Variants in TBC1D23 observed in about 807,000 individuals in gnomAD.
TBC1D23 encodes the protein TBC1 domain family member 23, also known as HCV non-structural protein 4A-transactivated protein 1.
A neutral mutation model predicts 91.4 loss-of-function variants in TBC1D23; 55 were observed. The observed-to-expected ratio is 0.60, with a 90% CI of 0.48 to 0.75. TBC1D23 has a LOEUF of 0.75. TBC1D23 is among the 30% of genes least tolerant of loss of function. The pLI is 0.00. For synonymous variants in TBC1D23, 289 were observed against 281.0 expected, an observed-to-expected ratio of 1.03 and a Z score of -0.28; for missense variants, 725 against 836.1, an observed-to-expected ratio of 0.87 and a Z score of 1.64.
intron 3 of TBC1D23, among the ~76,000 whole-genome samples, chr3:100,283,117 A>G (rs1282653745): frequency 6.6e-6 from 1 of 152,244 alleles, no homozygotes; most frequent in East Asian, 1.9e-4. Flanking sequence ...CCATGCCTAT[A>G]ATCCCAGCAC....
chr3:100,321,091 C>A, intron 18 of TBC1D23, 120 bp downstream of exon 18: 1 of 720,042 alleles, frequency 1.4e-6, no homozygotes, highest in Non-Finnish European at 2.2e-6. Context: ...GATAGCTGAA[C>A]CACTTTTAGT....
intron 1 of TBC1D23, among the ~76,000 whole-genome samples, chr3:100,275,174 A>G (rs1576160475): frequency 1.3e-5 from 2 of 151,700 alleles, no homozygotes; most frequent in African/African-American, 4.8e-5. Flanking sequence ...ATCTTTGTCA[A>G]CCTATGTTTT....
chr3:100,295,499 G>C (rs150067873), intron 7 of TBC1D23, 151 bp downstream of exon 7: 1 of 575,966 alleles, frequency 1.7e-6, no homozygotes, highest in East Asian at 3.1e-5. Flanking sequence ...TCCAGGTACA[G>C]ACCTTAAAGA....
intron 1 of TBC1D23, among the ~76,000 whole-genome samples, chr3:100,265,109 A>G (rs1459257407): frequency 1.3e-5 from 2 of 152,246 alleles, no homozygotes; most frequent in Non-Finnish European, 2.9e-5. Flanking sequence ...GTGTAATTAC[A>G]TGACTTATCA....
chr3:100,287,960 G>T (rs2067758754), intron 4 of TBC1D23, among the ~76,000 whole-genome samples: 1 of 151,930 alleles, frequency 6.6e-6, no homozygotes, highest in African/African-American at 2.4e-5. Context: ...AAACTGTGAG[G>T]CCAGGTGCAG....
At chr3:100,306,181 A>G (rs551449459) in intron 12 of TBC1D23, among the ~76,000 whole-genome samples, 8 of 152,346 alleles carry the variant, frequency 5.3e-5, no homozygotes, top group African/African-American at 1.9e-4. Context: ...CGTAAAGCCT[A>G]TACAGTTATC....
chr3:100,299,081 T>C (rs1395382582), intron 9 of TBC1D23, among the ~76,000 whole-genome samples, 158 bp from the exon 10 acceptor site: 2 of 152,248 alleles, frequency 1.3e-5, no homozygotes, highest in African/African-American at 4.8e-5. Context: ...ATTTAGGACC[T>C]TCGGGTTATT....
At chr3:100,298,862 G>GA (rs1228289085) in intron 9 of TBC1D23, among the ~76,000 whole-genome samples, 1 of 152,164 alleles carries the variant, frequency 6.6e-6, no homozygotes, top group Non-Finnish European at 1.5e-5. Context: ...TTGAGCTGTT[G>GA]ATAAATTTGC....
At position 100,300,298 on chromosome 3, in the gene TBC1D23, G is replaced by A. The variant is rs140415247; in HGVS notation, c.1092+967G>A. On this transcript the variant is annotated intron_variant, in intron 10 of 18. Transcript: ENST00000394144. ...AGTCTACCTTTCCCCTTCCCAACTC[G>A]TCTGAAAAATTTGATGCTGAACTGA... is the stretch of plus-strand genomic sequence containing the variant. Among the ~76,000 whole-genome samples, 442 of 152,042 alleles carry A rather than the reference G, an allele frequency of 2.9e-3. 1 individual carries two copies. Among genetic ancestry groups the A allele is most frequent in the African/African-American group, 0.01 (415 of 41,468 alleles).
At chr3:100,319,491 C>T (rs574901445) in intron 17 of TBC1D23, among the ~76,000 whole-genome samples, 2 of 151,882 alleles carry the variant, frequency 1.3e-5, no homozygotes, top group Admixed American at 1.3e-4. Flanking sequence ...TGTAGTGGCA[C>T]GATCTCTGCT....
Position 100,309,105 on chromosome 3 carries a change from C to T in TBC1D23, c.1414-1298C>T, listed in dbSNP as rs370197485. Among the ~76,000 whole-genome samples the T allele has an allele frequency of 2.0e-4, 30 of 152,184 alleles. No homozygotes were observed. The East Asian group carries it at 4.5e-3, about 23-fold the overall frequency. ...GGGAGAATTGCTTGAACCCAGGAGGCGGAGGTTGCAGTGAGCCAAGATCGC... is the reference window on the plus strand; with the variant it reads ...GGGAGAATTGCTTGAACCCAGGAGGTGGAGGTTGCAGTGAGCCAAGATCGC... On this transcript the variant is annotated intron_variant, in intron 13 of 18. Transcript: ENST00000394144.
chr3:100,262,171 GT>G (rs946417319), intron 1 of TBC1D23, among the ~76,000 whole-genome samples: 5 of 151,542 alleles, frequency 3.3e-5, no homozygotes, highest in Admixed American at 6.6e-5. Context: ...TCTAGATATA[GT>G]TTTTTTTTCT....
At chr3:100,273,777 A>G (rs977177436) in intron 1 of TBC1D23, among the ~76,000 whole-genome samples, 2 of 152,190 alleles carry the variant, frequency 1.3e-5, no homozygotes, top group Non-Finnish European at 2.9e-5. Context: ...AGGATTCCCT[A>G]TCTAATAAAT....
intron 1 of TBC1D23, among the ~76,000 whole-genome samples, chr3:100,276,432 C>G (rs2067649565): frequency 6.6e-6 from 1 of 151,970 alleles, no homozygotes; most frequent in Non-Finnish European, 1.5e-5. Context: ...TACAAAATTT[C>G]TAATAACGAA....
intron 1 of TBC1D23, among the ~76,000 whole-genome samples, chr3:100,274,783 TATA>T (rs2067631030): frequency 6.7e-6 from 1 of 148,282 alleles, no homozygotes; most frequent in African/African-American, 2.4e-5. Flanking sequence ...ATATATATTC[TATA>T]ATATGTAATT....
At chr3:100,288,380 A>G (rs942032135) in intron 4 of TBC1D23, among the ~76,000 whole-genome samples, 1 of 152,152 alleles carries the variant, frequency 6.6e-6, no homozygotes, top group African/African-American at 2.4e-5. Flanking sequence ...ACTTGTTGAA[A>G]TATTGAGTTA....
chr3:100,316,053 T>C (rs750772934), intron 15 of TBC1D23, 46 bp from the exon 16 acceptor site: 3 of 1,447,154 alleles, frequency 2.1e-6, no homozygotes, highest in Non-Finnish European at 2.9e-6. Context: ...AAATCTTTGA[T>C]AACTTCTTAA....
intron 4 of TBC1D23, among the ~76,000 whole-genome samples, chr3:100,285,474 A>G (rs1046873719): frequency 2.0e-5 from 3 of 152,130 alleles, no homozygotes; most frequent in Admixed American, 6.5e-5. Context: ...TTATTTACCT[A>G]TTCATCAGTT....
Position 100,304,894 on chromosome 3 carries a change from AT to A in TBC1D23, c.1306+10del. 1 of 1,441,686 alleles carries A rather than the reference AT, an allele frequency of 6.9e-7. No homozygotes were observed. Among genetic ancestry groups the A allele is most frequent in the Non-Finnish European group, 9.8e-7 (1 of 1,025,246 alleles). 89.3% of individuals were successfully genotyped at this position (1,441,686 alleles called of 1,614,324 possible). A position where few individuals can be genotyped will look rare whatever the true frequency, so the allele number is the denominator to read the frequency against. ...TGCCAGTGGAGGATTTATGGGTAAGATTTTGATTTATTAGTTTTTTTCCTCT... is the reference window on the plus strand; with the variant it reads ...TGCCAGTGGAGGATTTATGGGTAAGATTTGATTTATTAGTTTTTTTCCTCT... On this transcript the variant is annotated splice_region_variant and intron_variant, in intron 12 of 18. Transcript: ENST00000394144.
Sources: gnomAD v4.1 joint callset for allele counts (sites outside exome capture counted in the v4.1 genomes callset) on GRCh38, gnomAD v4.1.1 for gene constraint, MANE v1.5 for transcripts, NCBI Gene and HGNC (gene_info 2026-07-23, HGNC 2026-07-21) for gene names.